Variants in USP38 observed in about 807,000 individuals in gnomAD.
USP38 encodes the protein ubiquitin specific peptidase 38, also known as ubiquitin carboxyl-terminal hydrolase 38.
A neutral mutation model predicts 94.3 loss-of-function variants in USP38; 49 were observed. That is an observed-to-expected ratio of 0.52 (90% confidence interval 0.41 to 0.66). USP38 has a LOEUF of 0.66. Ranked by LOEUF, USP38 falls within the 30% of genes least tolerant of loss-of-function variation. The pLI is 0.00. For missense variants in USP38, 1,128 were observed against 1,229.4 expected (o/e 0.92, Z 1.23); for synonymous variants, 468 against 463.6 (o/e 1.01, Z -0.12).
rs759359639 is a variant in USP38, at chr4:143,185,728, A to G, written c.278A>G (p.Tyr93Cys). The change falls in exon 1 of 10, where the codon TAC becomes TGC. Residue 93 changes from tyrosine to cysteine, a missense_variant. Transcript: ENST00000307017. Reference sequence around the variant, plus strand: ...GTGTTGGGCCTCCTTCATCAGGGCTACCACTCTCTGGACAGGAAGGATGTA... The same window carrying G: ...GTGTTGGGCCTCCTTCATCAGGGCTGCCACTCTCTGGACAGGAAGGATGTA... Reference protein sequence around the residue: ...TFVLGLLHQGYHSLDRKDVAI... With the variant: ...TFVLGLLHQGCHSLDRKDVAI... The G allele has an allele frequency of 6.2e-7, 1 of 1,614,146 alleles. No individual in the cohort carries two copies. Among genetic ancestry groups the G allele is most frequent in the Admixed American group, 1.7e-5 (1 of 60,032 alleles).
intron 5 of USP38, among the ~76,000 whole-genome samples, 200 bp downstream of exon 5, chr4:143,203,766 A>AT (rs1222560884): frequency 2.0e-5 from 3 of 152,154 alleles, no homozygotes; most frequent in African/African-American, 7.2e-5. Context: ...ATATTTCTTT[A>AT]TTTCTGCAGT....
rs1373563114 is a variant in USP38 at position 143,222,472 on chromosome 4, G to A, written c.*2016G>A. 1 of 151,890 alleles carries A rather than the reference G, an allele frequency of 6.6e-6. No homozygotes were observed. The highest frequency in any genetic ancestry group is 1.5e-5 in the Non-Finnish European group (1 of 67,916). 9.4% of individuals were successfully genotyped at this position (151,890 alleles called of 1,614,324 possible). A position where few individuals can be genotyped will look rare whatever the true frequency, so the allele number is the denominator to read the frequency against. ...TATGATTGCATAGCACTTACGTTGT[G>A]CTATGTAGTTGTTATATTGTTTTTT... is the stretch of plus-strand genomic sequence containing the variant. On this transcript the variant is annotated 3_prime_UTR_variant, in exon 10 of 10. Coordinates refer to ENST00000307017, the MANE Select transcript of USP38 (RefSeq NM_032557.6).
chr4:143,204,979 G>A (rs1731820228), intron 5 of USP38, among the ~76,000 whole-genome samples: 1 of 152,118 alleles, frequency 6.6e-6, no homozygotes, highest in Non-Finnish European at 1.5e-5. Context: ...AGACTGTTAA[G>A]CAATTAATGT....
Position 143,187,812 on chromosome 4 carries a change from A to T in USP38, c.683-14A>T. On this transcript the variant is annotated splice_polypyrimidine_tract_variant and intron_variant, in intron 1 of 9. Coordinates refer to ENST00000307017, the MANE Select transcript of USP38 (RefSeq NM_032557.6). ...ACTTGCCATGTTCCCTTTTCTTTTT[A>T]ATTGAAAAAACAGATGCATCATTTG... 6.3e-7 allele frequency: 1 copy of T among 1,592,280 alleles called. No individual in the cohort carries two copies. The highest frequency in any genetic ancestry group is 8.5e-7 in the Non-Finnish European group (1 of 1,171,876).
At chr4:143,210,350 G>A (rs1731989551) in intron 7 of USP38, among the ~76,000 whole-genome samples, 1 of 152,062 alleles carries the variant, frequency 6.6e-6, no homozygotes, top group African/African-American at 2.4e-5. Context: ...ACACTTGGAG[G>A]CCAAGGCAGG....
rs1159385983 is a variant in USP38, at chr4:143,223,122, G to A, written c.*2666G>A. The A allele has an allele frequency of 6.6e-6, 1 of 152,118 alleles. No individual in the cohort carries two copies. Among genetic ancestry groups the A allele is most frequent in the Non-Finnish European group, 1.5e-5 (1 of 67,994 alleles). 9.4% of individuals were successfully genotyped at this position (152,118 alleles called of 1,614,324 possible). A position where few individuals can be genotyped will look rare whatever the true frequency, so the allele number is the denominator to read the frequency against. On this transcript the variant is annotated 3_prime_UTR_variant, in exon 10 of 10. Coordinates refer to ENST00000307017, the MANE Select transcript of USP38 (RefSeq NM_032557.6). ...ATGCAAAGAAGGAAATATATATGAT[G>A]TCACACAAGCTCCAGTAAGCTATCC... is the stretch of plus-strand genomic sequence containing the variant.
Position 143,190,258 on chromosome 4 carries a change from G to A in USP38, c.818+2297G>A, listed in dbSNP as rs531741813. Among the ~76,000 whole-genome samples, 3 of 96,556 alleles carry A rather than the reference G, an allele frequency of 3.1e-5. No homozygotes were observed. The South Asian group carries it at 8.8e-4, about 28-fold the overall frequency. 63.3% of individuals were successfully genotyped at this position (96,556 alleles called of 152,430 possible). ...TTGGTCCATCACTTTCATTGCATAG[G>A]GTAATAGTAGCAGATTTTCTTTACA... On this transcript the variant is annotated intron_variant, in intron 2 of 9. Transcript: ENST00000307017.
At chr4:143,191,179 A>C (rs896255937) in intron 2 of USP38, among the ~76,000 whole-genome samples, 1 of 152,138 alleles carries the variant, frequency 6.6e-6, no homozygotes, top group Admixed American at 6.5e-5. Flanking sequence ...TACTTTCCCA[A>C]ACATAGCAGT....
At chr4:143,193,878 G>A (rs561793136) in intron 2 of USP38, among the ~76,000 whole-genome samples, 1 of 152,318 alleles carries the variant, frequency 6.6e-6, no homozygotes, top group Admixed American at 6.5e-5. Context: ...TTGAGGCCAG[G>A]ATTTCAAGAC....
At position 143,214,701 on chromosome 4, in the gene USP38, A is replaced by G. The variant is rs751934436; in HGVS notation, c.2725A>G (p.Met909Val). The G allele has an allele frequency of 6.2e-7, 1 of 1,613,724 alleles. No homozygotes were observed. Among genetic ancestry groups the G allele is most frequent in the East Asian group, 2.2e-5 (1 of 44,864 alleles). The part of the protein sequence containing the change: ...VFEQDLENKE[M>V]SKEWFLFNDS... ...TGAACAGGATTTGGAAAATAAGGAA[A>G]TGTCAAAAGAATGGTTTTTATTTAA... is the stretch of plus-strand genomic sequence containing the variant. Residue 909 changes from methionine (M) to valine (V), a missense_variant, in exon 9 of 10, where the codon ATG becomes GTG. By Grantham distance (21) the Met-to-Val change is conservative. Coordinates refer to ENST00000307017, the MANE Select transcript of USP38 (RefSeq NM_032557.6).
In USP38 at chr4:143,185,558, G is replaced by T; in HGVS notation, c.108G>T (p.Ala36=). ...VESAEHWLDE[A]QCEAMFDLTT... Reference sequence around the variant, plus strand: ...CGGCGGAGCACTGGCTAGACGAGGCGCAGTGCGAGGCCATGTTTGACCTGA... The same window carrying T: ...CGGCGGAGCACTGGCTAGACGAGGCTCAGTGCGAGGCCATGTTTGACCTGA... Residue 36 remains alanine (A), a synonymous_variant, in exon 1 of 10, where the codon GCG becomes GCT. Coordinates refer to ENST00000307017, the MANE Select transcript of USP38 (RefSeq NM_032557.6). The T allele has an allele frequency of 1.2e-6, 2 of 1,614,116 alleles. No individual in the cohort carries two copies. The highest frequency in any genetic ancestry group is 1.7e-6 in the Non-Finnish European group (2 of 1,180,004).
intron 4 of USP38, among the ~76,000 whole-genome samples, chr4:143,202,263 A>G (rs980031805): frequency 1.3e-5 from 2 of 152,148 alleles, no homozygotes; most frequent in Non-Finnish European, 2.9e-5. Context: ...GGTAATGCAA[A>G]AGCTACAGTG....
At position 143,195,051 on chromosome 4, in the gene USP38, A is replaced by G. The variant is rs568902906; in HGVS notation, c.819-665A>G. Among the ~76,000 whole-genome samples, 10 of 152,290 alleles carry G rather than the reference A, an allele frequency of 6.6e-5. No individual in the cohort carries two copies. The East Asian group carries it at 1.5e-3, about 23-fold the overall frequency. ...TGTTCTCTTTGTATAGTCGGATTTG[A>G]AAAAGATACCTCTTTCACAGTTCAA... On this transcript the variant is annotated intron_variant, in intron 2 of 9. Transcript: ENST00000307017.
intron 9 of USP38, among the ~76,000 whole-genome samples, chr4:143,219,062 G>A (rs1455783742): frequency 2.0e-5 from 3 of 152,054 alleles, no homozygotes; most frequent in African/African-American, 7.2e-5. Context: ...CAAAGAGCCA[G>A]CAATTTTAAA....
chr4:143,190,644 A>G (rs1581155395), intron 2 of USP38, among the ~76,000 whole-genome samples: 1 of 152,082 alleles, frequency 6.6e-6, no homozygotes, highest in Non-Finnish European at 1.5e-5. Flanking sequence ...ATTCCCTTTG[A>G]TTAACATAAT....
Position 143,208,193 on chromosome 4 carries a change from A to C in USP38, c.1404-1371A>C, listed in dbSNP as rs570216285. ...AATACAGATCCGTGTCATTCCCAGT[A>C]AATGTGTATGCCATCATTTATTTAT... is the stretch of plus-strand genomic sequence containing the variant. On this transcript the variant is annotated intron_variant, in intron 6 of 9. Coordinates refer to ENST00000307017, the MANE Select transcript of USP38 (RefSeq NM_032557.6). 1.8e-4 allele frequency among the ~76,000 whole-genome samples: 27 copies of C among 152,252 alleles called. No individual in the cohort carries two copies. In the South Asian group the frequency reaches 3.9e-3, roughly 22 times the overall value.
intron 4 of USP38, among the ~76,000 whole-genome samples, chr4:143,202,577 T>C (rs1442730512): frequency 6.6e-6 from 1 of 152,140 alleles, no homozygotes; most frequent in Non-Finnish European, 1.5e-5. Flanking sequence ...TGGAAAGAGC[T>C]ATGTCTGTAA....
intron 2 of USP38, among the ~76,000 whole-genome samples, chr4:143,190,530 T>C (rs960491758): frequency 6.6e-6 from 1 of 152,142 alleles, no homozygotes; most frequent in Admixed American, 6.5e-5. Context: ...CTTATCTTCA[T>C]GGCCTGATGT....
intron 2 of USP38, among the ~76,000 whole-genome samples, chr4:143,195,419 C>A (rs940343065): frequency 3.3e-5 from 5 of 152,210 alleles, no homozygotes; most frequent in African/African-American, 4.8e-5. Flanking sequence ...AAGGAATACT[C>A]AACCTGTGCC....
Sources: allele counts gnomAD v4.1 joint callset (sites outside exome capture counted in the v4.1 genomes callset), GRCh38; gene constraint gnomAD v4.1.1; transcripts MANE v1.5; gene names NCBI Gene and HGNC (gene_info 2026-07-23, HGNC 2026-07-21).